Variants in ETS1 observed in about 807,000 individuals in gnomAD.
ETS1 encodes protein C-ets-1.
In ETS1, 15 loss-of-function variants were observed where a neutral mutation model predicts 58.6. That is an observed-to-expected ratio of 0.26 (90% CI 0.17 to 0.39). The LOEUF is 0.39. ETS1 is among the 10% of genes least tolerant of loss of function. The pLI, the probability that ETS1 is intolerant of heterozygous loss-of-function variation, is 1.00. For missense variants in ETS1, 417 were observed against 610.5 expected (o/e 0.68, Z 3.34); for synonymous variants, 214 against 218.2 (o/e 0.98, Z 0.17).
rs1211181054 is a variant in ETS1 at position 128,463,227 on chromosome 11, T to A, written c.1242+282A>T. 6.6e-6 allele frequency among the ~76,000 whole-genome samples: 1 copy of A among 152,182 alleles called. No individual in the cohort carries two copies. Among genetic ancestry groups the A allele is most frequent in the African/African-American group, 2.4e-5 (1 of 41,456 alleles). On this transcript the variant is annotated intron_variant, in intron 9 of 9. Transcript: ENST00000392668. This position sits in a 1 kb window ranked among gnomAD's most constrained non-coding sequence, Gnocchi z 4.1. Reference sequence around the variant, plus strand: ...GCCACCGGGCTAGGAAGAGGCTAAGTCACAGGAGGCAGCTCTATGGGTGAT... The same window carrying A: ...GCCACCGGGCTAGGAAGAGGCTAAGACACAGGAGGCAGCTCTATGGGTGAT...
chr11:128,522,379 C>G (rs1863705826), intron 3 of ETS1: 3 of 987,734 alleles, frequency 3.0e-6, no homozygotes, highest in Non-Finnish European at 2.4e-6. Flanking sequence ...CTCGCGGCGC[C>G]GCGTCTCGGC....
intron 1 of ETS1, among the ~76,000 whole-genome samples, chr11:128,585,101 AAG>A (rs1565421505): frequency 0.016 from 461 of 28,908 alleles, 64 homozygotes; most frequent in Non-Finnish European, 0.021. Context: ...GAAAGAAAGA[AAG>A]GAAGGAAGGA....
chr11:128,542,433 G>C (rs961850220), intron 3 of ETS1, among the ~76,000 whole-genome samples: 18 of 152,144 alleles, frequency 1.2e-4, no homozygotes, highest in African/African-American at 3.9e-4. Flanking sequence ...GGAATCACCA[G>C]GCTGACTCTT....
chr11:128,536,134 C>T (rs1863969609), intron 3 of ETS1, among the ~76,000 whole-genome samples: 2 of 152,244 alleles, frequency 1.3e-5, no homozygotes, highest in South Asian at 4.1e-4. Context: ...CCTCTAAATA[C>T]ATAAAAAATA....
At chr11:128,527,813 A>G (rs1863827975) in intron 3 of ETS1, among the ~76,000 whole-genome samples, 1 of 152,244 alleles carries the variant, frequency 6.6e-6, no homozygotes, top group Admixed American at 6.5e-5. Flanking sequence ...TGGGTTACAA[A>G]GACAACATCA....
chr11:128,526,909 G>A (rs778062605), intron 3 of ETS1: 16 of 456,134 alleles, frequency 3.5e-5, no homozygotes, highest in Non-Finnish European at 6.2e-5. Context: ...ATGAGTGTGA[G>A]TGAGGAAATT....
intron 8 of ETS1, among the ~76,000 whole-genome samples, chr11:128,467,145 G>A (rs371432875): frequency 1.2e-4 from 19 of 152,362 alleles, no homozygotes; most frequent in African/African-American, 4.3e-4. Context: ...CTTCCAGCCA[G>A]AAACACTGGG....
At chr11:128,506,345 A>G (rs747229588) in intron 3 of ETS1, among the ~76,000 whole-genome samples, 1 of 152,222 alleles carries the variant, frequency 6.6e-6, no homozygotes, top group Non-Finnish European at 1.5e-5. Context: ...GCCCACTGCT[A>G]TGAGCCCAAC....
intron 1 of ETS1, among the ~76,000 whole-genome samples, chr11:128,584,763 G>T (rs1056765220): frequency 3.9e-4 from 59 of 151,540 alleles, no homozygotes; most frequent in African/African-American, 1.4e-3. Context: ...TAAAAGATTT[G>T]CCTGAAATGC....
intron 3 of ETS1, among the ~76,000 whole-genome samples, chr11:128,495,381 C>T (rs982556974): frequency 1.3e-5 from 2 of 152,144 alleles, no homozygotes; most frequent in Non-Finnish European, 2.9e-5. Flanking sequence ...TAAAACTATT[C>T]CAAGAAACCC....
At chr11:128,482,644 G>A (rs768261067) in intron 7 of ETS1, among the ~76,000 whole-genome samples, 22 of 152,160 alleles carry the variant, frequency 1.4e-4, no homozygotes, top group African/African-American at 9.7e-5. Flanking sequence ...ATTTTAGCTC[G>A]ATTTCACAAC....
At chr11:128,491,037 G>A (rs1375276487) in intron 3 of ETS1, among the ~76,000 whole-genome samples, 1 of 152,028 alleles carries the variant, frequency 6.6e-6, no homozygotes, top group African/African-American at 2.4e-5. Context: ...CAACATTTAA[G>A]GGGCTTTCCA....
At chr11:128,548,804 G>T (rs937160127) in intron 3 of ETS1, among the ~76,000 whole-genome samples, 2 of 152,212 alleles carry the variant, frequency 1.3e-5, no homozygotes, top group African/African-American at 4.8e-5. Context: ...CAGCGCCGGG[G>T]TTAACCCTCC....
intron 3 of ETS1, among the ~76,000 whole-genome samples, chr11:128,538,023 C>A (rs1198540271): frequency 6.6e-6 from 1 of 152,104 alleles, no homozygotes; most frequent in East Asian, 1.9e-4. Context: ...TGAATATATT[C>A]ATTTTCTTAA....
intron 2 of ETS1, among the ~76,000 whole-genome samples, chr11:128,568,109 T>A (rs1355802629): frequency 1.3e-5 from 2 of 152,190 alleles, no homozygotes; most frequent in Non-Finnish European, 2.9e-5. Context: ...GAGCATGTTG[T>A]TCTATCTCCC....
At chr11:128,473,266 C>T (rs956272575) in intron 8 of ETS1, among the ~76,000 whole-genome samples, 3 of 152,128 alleles carry the variant, frequency 2.0e-5, no homozygotes, top group South Asian at 2.1e-4. Context: ...AAGTAAAATG[C>T]GTTGTTCCCT....
intron 7 of ETS1, among the ~76,000 whole-genome samples, chr11:128,483,466 T>TA (rs1031528763): frequency 6.6e-6 from 1 of 151,954 alleles, no homozygotes; most frequent in African/African-American, 2.4e-5. Flanking sequence ...ACTCGCCTGA[T>TA]AAAAAAGAAA....
At chr11:128,479,406 T>C (rs1006888534) in intron 8 of ETS1, among the ~76,000 whole-genome samples, 3 of 152,242 alleles carry the variant, frequency 2.0e-5, no homozygotes, top group Admixed American at 1.3e-4. Context: ...AGAGATCTGA[T>C]GATTAACACA....
At chr11:128,554,608 G>A (rs1449014883) in intron 3 of ETS1, among the ~76,000 whole-genome samples, 1 of 151,848 alleles carries the variant, frequency 6.6e-6, no homozygotes, top group Admixed American at 6.6e-5. Context: ...GAAAAGGAAG[G>A]CCATGTCTCT....
Sources: allele counts gnomAD v4.1 joint callset (sites outside exome capture counted in the v4.1 genomes callset), GRCh38; gene constraint gnomAD v4.1.1; non-coding constraint Gnocchi (gnomAD v3.1); transcripts MANE v1.5; gene names NCBI Gene and HGNC (gene_info 2026-07-23, HGNC 2026-07-21).